HSDL2: variants seen among roughly 807,000 people sequenced by gnomAD.
HSDL2 encodes the protein hydroxysteroid dehydrogenase like 2.
A neutral mutation model predicts 46.3 loss-of-function variants in HSDL2; 27 were observed. The ratio of observed to expected loss-of-function variants is 0.58; its 90% CI spans 0.43 to 0.80. The LOEUF (loss-of-function observed/expected upper bound fraction) is 0.80, where lower values mean the gene tolerates loss of function less well. Among genes scored for constraint, HSDL2 ranks in the 30% least tolerant of loss-of-function variants. HSDL2 has a pLI of 0.00. For missense variants in HSDL2, 451 were observed against 502.7 expected (o/e 0.90, Z 0.98); for synonymous variants, 153 against 163.6 (o/e 0.94, Z 0.50).
At chr9:112,427,354 C>T (rs1284293912) in intron 6 of HSDL2, among the ~76,000 whole-genome samples, 1 of 152,170 alleles carries the variant, frequency 6.6e-6, no homozygotes, top group East Asian at 1.9e-4. Context: ...TGCGCCTGGC[C>T]CTCGCCACAT....
At chr9:112,459,093 C>T (rs770877006) in intron 9 of HSDL2, among the ~76,000 whole-genome samples, 2 of 152,170 alleles carry the variant, frequency 1.3e-5, no homozygotes, top group African/African-American at 4.8e-5. Flanking sequence ...ACTCTGTACC[C>T]ATTAAACAGT....
At chr9:112,385,051 C>T (rs1013832423) in intron 1 of HSDL2, among the ~76,000 whole-genome samples, 1 of 152,076 alleles carries the variant, frequency 6.6e-6, no homozygotes, top group African/African-American at 2.4e-5. Context: ...TCACCACGAC[C>T]TGTCTACAGC....
intron 6 of HSDL2, among the ~76,000 whole-genome samples, chr9:112,437,561 C>T (rs1353512966): frequency 9.0e-6 from 1 of 111,348 alleles, no homozygotes; most frequent in Non-Finnish European, 2.1e-5. Flanking sequence ...TGAATACCCA[C>T]AAGAATGTGT....
intron 1 of HSDL2, among the ~76,000 whole-genome samples, chr9:112,392,133 T>A (rs1439282248): frequency 6.6e-6 from 1 of 152,066 alleles, no homozygotes; most frequent in Non-Finnish European, 1.5e-5. Flanking sequence ...AAAGTTTTTA[T>A]TAAGAGTTTC....
chr9:112,400,386 A>T (rs569587728), intron 1 of HSDL2, among the ~76,000 whole-genome samples: 11 of 152,312 alleles, frequency 7.2e-5, no homozygotes, highest in Admixed American at 7.2e-4. Context: ...AGGTGGGCAG[A>T]TCATGAGGTC....
At chr9:112,469,657 A>AC (rs1322602225) in intron 10 of HSDL2, 1 of 127,122 alleles carries the variant, frequency 7.9e-6, no homozygotes, top group African/African-American at 3.1e-5. Context: ...ACAGAGTGAG[A>AC]CCTTGTCTCA....
rs970922328 is a variant in HSDL2 at position 112,471,064 on chromosome 9, T to G, written c.*520T>G. 6.6e-6 allele frequency: 1 copy of G among 152,180 alleles called. No individual in the cohort carries two copies. The highest frequency in any genetic ancestry group is 6.5e-5 in the Admixed American group (1 of 15,274). 9.4% of individuals were successfully genotyped at this position (152,180 alleles called of 1,614,324 possible). A position where few individuals can be genotyped will look rare whatever the true frequency, so the allele number is the denominator to read the frequency against. On this transcript the variant is annotated 3_prime_UTR_variant, in exon 11 of 11. Coordinates refer to ENST00000398805, the MANE Select transcript of HSDL2 (RefSeq NM_032303.5). Reference sequence around the variant, plus strand: ...GGCGAGGACTAAATGAAACAATAATTTTTCATTTTGATAACTAGCTTTCCA... The same window carrying G: ...GGCGAGGACTAAATGAAACAATAATGTTTCATTTTGATAACTAGCTTTCCA...
chr9:112,460,576 C>T (rs1286807509), intron 10 of HSDL2, among the ~76,000 whole-genome samples: 1 of 152,148 alleles, frequency 6.6e-6, no homozygotes, highest in African/African-American at 2.4e-5. Flanking sequence ...TGGGGAAACC[C>T]TGTCTCTACA....
intron 4 of HSDL2, chr9:112,414,163 T>G (rs899692442): frequency 3.3e-5 from 5 of 153,844 alleles, no homozygotes; most frequent in African/African-American, 1.2e-4. Flanking sequence ...GTACATTGAT[T>G]TCTTTATCAT....
intron 4 of HSDL2, among the ~76,000 whole-genome samples, chr9:112,412,416 T>C (rs7023355): frequency 0.03 from 4,635 of 152,304 alleles, 247 homozygotes; most frequent in African/African-American, 0.11. Context: ...TCAGTGTTAA[T>C]TTTAGACTTA....
chr9:112,454,767 G>A lies in HSDL2; in HGVS notation c.1015+605G>A, dbSNP rs558656719. Among the ~76,000 whole-genome samples the A allele has an allele frequency of 1.6e-3, 246 of 151,148 alleles. 1 individual carries two copies. The highest frequency in any genetic ancestry group is 5.8e-3 in the African/African-American group (240 of 41,290). On this transcript the variant is annotated intron_variant, in intron 9 of 10. Coordinates refer to ENST00000398805, the MANE Select transcript of HSDL2 (RefSeq NM_032303.5). Reference sequence around the variant, plus strand: ...GTTGCCCAGGCTGGAGTGCAGTGGTGGGATCTGGGCTCACTGCAACCTCTG... The same window carrying A: ...GTTGCCCAGGCTGGAGTGCAGTGGTAGGATCTGGGCTCACTGCAACCTCTG...
intron 4 of HSDL2, among the ~76,000 whole-genome samples, chr9:112,409,446 C>CAACT (rs1195428428): frequency 2.0e-5 from 3 of 152,164 alleles, no homozygotes; most frequent in Non-Finnish European, 2.9e-5. Context: ...CCACCTTGGC[C>CAACT]TCCCAAAGTG....
At chr9:112,421,864 T>G (rs1411681) in intron 6 of HSDL2, among the ~76,000 whole-genome samples, 145,406 of 152,208 alleles carry the variant, frequency 0.96, 69,492 homozygotes, top group East Asian at 1. Flanking sequence ...GGTGAGCCTA[T>G]GAAGGAATGA....
At chr9:112,388,354 G>C (rs111623750) in intron 1 of HSDL2, among the ~76,000 whole-genome samples, 1 of 149,914 alleles carries the variant, frequency 6.7e-6, no homozygotes, top group African/African-American at 2.5e-5. Context: ...CCAGCTACTC[G>C]GGAGGCTGAC....
intron 10 of HSDL2, among the ~76,000 whole-genome samples, chr9:112,467,008 A>G (rs2132718536): frequency 6.6e-6 from 1 of 152,360 alleles, no homozygotes; most frequent in East Asian, 1.9e-4. Flanking sequence ...TTAAATCCAT[A>G]GATGTATAGG....
chr9:112,433,261 T>C (rs1587952487), intron 6 of HSDL2, among the ~76,000 whole-genome samples: 1 of 152,170 alleles, frequency 6.6e-6, no homozygotes, highest in Non-Finnish European at 1.5e-5. Context: ...GAAAATACTT[T>C]CTGTGCGGTG....
intron 1 of HSDL2, among the ~76,000 whole-genome samples, chr9:112,383,877 A>G (rs1831164764): frequency 6.6e-6 from 1 of 152,008 alleles, no homozygotes; most frequent in Non-Finnish European, 1.5e-5. Context: ...ATTTTTAAAA[A>G]ATTTTTTTGT....
At chr9:112,455,069 A>G (rs934073528) in intron 9 of HSDL2, among the ~76,000 whole-genome samples, 6 of 152,096 alleles carry the variant, frequency 3.9e-5, no homozygotes, top group African/African-American at 1.4e-4. Flanking sequence ...CACGTTAATA[A>G]TAGTGTAAGA....
Position 112,408,638 on chromosome 9 carries a change from A to G in HSDL2, c.281-269A>G, listed in dbSNP as rs145855950. On this transcript the variant is annotated intron_variant, in intron 3 of 10. Coordinates refer to ENST00000398805, the MANE Select transcript of HSDL2 (RefSeq NM_032303.5). Reference sequence around the variant, plus strand: ...TTGCTTCCAGGCTGTAAAGCTGTATAACATGTTACTGTACTGACTACTGTA... The same window carrying G: ...TTGCTTCCAGGCTGTAAAGCTGTATGACATGTTACTGTACTGACTACTGTA... Among the ~76,000 whole-genome samples the G allele has an allele frequency of 1.1e-3, 163 of 152,352 alleles. 1 individual carries two copies. The highest frequency in any genetic ancestry group is 3.8e-3 in the African/African-American group (158 of 41,588).
Sources: allele counts gnomAD v4.1 joint callset (sites outside exome capture counted in the v4.1 genomes callset), GRCh38; gene constraint gnomAD v4.1.1; transcripts MANE v1.5; gene names NCBI Gene and HGNC (gene_info 2026-07-23, HGNC 2026-07-21).